LUZP2: variants seen among roughly 807,000 people sequenced by gnomAD.
LUZP2 encodes the protein leucine zipper protein 2.
A neutral mutation model predicts 51.6 loss-of-function variants in LUZP2; 52 were observed. That is an observed-to-expected ratio of 1.01 (90% CI 0.81 to 1.27). The LOEUF is 1.27. LUZP2 is among the 50% of genes most tolerant of loss of function. LUZP2 has a pLI of 0.00. For synonymous variants in LUZP2, 154 were observed against 137.3 expected, an observed-to-expected ratio of 1.12 and a Z score of -0.85; for missense variants, 436 against 395.4, an observed-to-expected ratio of 1.10 and a Z score of -0.87.
At chr11:24,960,162 T>C (rs1348421901) in intron 7 of LUZP2, among the ~76,000 whole-genome samples, 2 of 152,222 alleles carry the variant, frequency 1.3e-5, no homozygotes, top group Non-Finnish European at 2.9e-5. Context: ...CAGTATTTTA[T>C]TGAGGATTTT....
At chr11:24,832,734 T>C (rs931558776) in intron 5 of LUZP2, among the ~76,000 whole-genome samples, 14 of 152,018 alleles carry the variant, frequency 9.2e-5, no homozygotes, top group Non-Finnish European at 2.1e-4. Context: ...TTACTGTAAG[T>C]TCTAAAAGAG....
At chr11:24,671,164 C>G (rs1317109287) in intron 1 of LUZP2, among the ~76,000 whole-genome samples, 1 of 151,630 alleles carries the variant, frequency 6.6e-6, no homozygotes, top group Non-Finnish European at 1.5e-5. Flanking sequence ...TATTTTTGGG[C>G]CTCATTCCAA....
At chr11:24,894,175 A>ATTT (rs35929813) in intron 5 of LUZP2, among the ~76,000 whole-genome samples, 4,572 of 134,770 alleles carry the variant, frequency 0.034, 261 homozygotes, top group African/African-American at 0.11. Flanking sequence ...AAAGTAATTC[A>ATTT]TTTTTTTTTT....
At chr11:24,650,771 TGAG>T (rs1442334640) in intron 1 of LUZP2, among the ~76,000 whole-genome samples, 1 of 152,086 alleles carries the variant, frequency 6.6e-6, no homozygotes, top group Non-Finnish European at 1.5e-5. Context: ...TTTCTGTTCT[TGAG>T]GAGGCTGCTA....
Position 24,659,608 on chromosome 11 carries a change from A to T in LUZP2, c.63-69561A>T, listed in dbSNP as rs141393817. 6.7e-3 allele frequency among the ~76,000 whole-genome samples: 1,014 copies of T among 152,200 alleles called. 3 individuals are homozygous for T. The highest frequency in any genetic ancestry group is 0.011 in the Non-Finnish European group (769 of 68,000). ...AGAACTAGGATTTAAATCTTTTCAT[A>T]TTCTAAACATAATTTTGGCAGCCCG... On this transcript the variant is annotated intron_variant, in intron 1 of 11. Coordinates refer to ENST00000336930, the MANE Select transcript of LUZP2 (RefSeq NM_001009909.4).
intron 2 of LUZP2, among the ~76,000 whole-genome samples, chr11:24,730,879 CT>C (rs1858687856): frequency 6.6e-6 from 1 of 151,682 alleles, no homozygotes; most frequent in African/African-American, 2.4e-5. Flanking sequence ...CTTAAAATGC[CT>C]TTTGCTTATT....
chr11:24,996,862 T>G (rs1288450935), intron 9 of LUZP2, among the ~76,000 whole-genome samples: 1 of 151,944 alleles, frequency 6.6e-6, no homozygotes, highest in Non-Finnish European at 1.5e-5. Flanking sequence ...AGTAAGAATA[T>G]GCGGTGTTTG....
intron 5 of LUZP2, among the ~76,000 whole-genome samples, chr11:24,807,980 T>C (rs1849904308): frequency 3.3e-5 from 5 of 152,146 alleles, no homozygotes. Flanking sequence ...TTCTTAATTA[T>C]TTTGGGGTGT....
intron 1 of LUZP2, among the ~76,000 whole-genome samples, chr11:24,543,750 G>T (rs1370124715): frequency 7.1e-6 from 1 of 140,532 alleles, no homozygotes; most frequent in African/African-American, 2.7e-5. Flanking sequence ...GAACTAAGGA[G>T]GTGGAAGTTT....
At chr11:24,660,450 T>C (rs562460777) in intron 1 of LUZP2, among the ~76,000 whole-genome samples, 1 of 152,290 alleles carries the variant, frequency 6.6e-6, no homozygotes, top group African/African-American at 2.4e-5. Context: ...AATGACTTGT[T>C]TCTAGCATTT....
chr11:25,042,013 C>T (rs1858077953), intron 9 of LUZP2, among the ~76,000 whole-genome samples: 1 of 152,172 alleles, frequency 6.6e-6, no homozygotes, highest in South Asian at 2.1e-4. Context: ...ATCGTCTCCC[C>T]ATTCATGGAA....
At chr11:25,065,491 T>G (rs1370784807) in intron 10 of LUZP2, among the ~76,000 whole-genome samples, 1 of 151,908 alleles carries the variant, frequency 6.6e-6, no homozygotes, top group Admixed American at 6.6e-5. Flanking sequence ...ATACGAAAAT[T>G]GAGATTGAGG....
rs976881959 is a variant in LUZP2 at position 24,819,111 on chromosome 11, G to A, written c.396+55803G>A. On this transcript the variant is annotated intron_variant, in intron 5 of 11. Transcript: ENST00000336930. ...GAATATCAGGAGTTGGCGACTCTGA[G>A]AAAACGTTTGTTTGTTACTGAGAAG... 5.1e-4 allele frequency among the ~76,000 whole-genome samples: 77 copies of A among 152,026 alleles called. 1 individual carries two copies. Among genetic ancestry groups the A allele is most frequent in the Non-Finnish European group, 4.1e-4 (28 of 67,982 alleles).
At chr11:25,050,540 G>A (rs1367840896) in intron 10 of LUZP2, among the ~76,000 whole-genome samples, 7 of 151,948 alleles carry the variant, frequency 4.6e-5, no homozygotes, top group Admixed American at 3.9e-4. Flanking sequence ...GCCTGACCTC[G>A]TGATCCGCCC....
chr11:24,655,259 A>G (rs1855766104), intron 1 of LUZP2, among the ~76,000 whole-genome samples: 1 of 152,230 alleles, frequency 6.6e-6, no homozygotes, highest in South Asian at 2.1e-4. Flanking sequence ...AAGATATGAA[A>G]ATGATTAGAA....
intron 9 of LUZP2, among the ~76,000 whole-genome samples, chr11:25,007,526 C>T (rs1303540336): frequency 6.6e-6 from 1 of 152,082 alleles, no homozygotes; most frequent in African/African-American, 2.4e-5. Flanking sequence ...TCACTTGAAC[C>T]TGGGAGGTAA....
At chr11:25,061,435 T>C (rs1346534329) in intron 10 of LUZP2, among the ~76,000 whole-genome samples, 5 of 152,196 alleles carry the variant, frequency 3.3e-5, no homozygotes, top group Non-Finnish European at 4.4e-5. Context: ...ATCATTTTAA[T>C]AGATGTATTT....
chr11:24,743,715 T>C (rs1270173977), intron 4 of LUZP2, among the ~76,000 whole-genome samples: 1 of 152,134 alleles, frequency 6.6e-6, no homozygotes, highest in African/African-American at 2.4e-5. Flanking sequence ...GGATAGGACT[T>C]CCAACACTAT....
chr11:24,641,252 G>A (rs1373814171), intron 1 of LUZP2, among the ~76,000 whole-genome samples: 1 of 132,666 alleles, frequency 7.5e-6, no homozygotes, highest in Admixed American at 7.3e-5. Flanking sequence ...ATATCACCAT[G>A]TTTTTCTTAG....
Sources: allele counts gnomAD v4.1 joint callset (sites outside exome capture counted in the v4.1 genomes callset), GRCh38; gene constraint gnomAD v4.1.1; transcripts MANE v1.5; gene names NCBI Gene and HGNC (gene_info 2026-07-23, HGNC 2026-07-21).